PHACTR3: variants seen among roughly 807,000 people sequenced by gnomAD.
PHACTR3 encodes protein phosphatase 1, regulatory subunit 123.
A neutral mutation model predicts 66.8 loss-of-function variants in PHACTR3; 16 were observed. The ratio of observed to expected loss-of-function variants is 0.24; its 90% CI spans 0.16 to 0.36. PHACTR3 has a LOEUF of 0.36. Ranked by LOEUF, PHACTR3 falls within the 10% of genes least tolerant of loss-of-function variation. PHACTR3 has a pLI of 1.00. For synonymous variants in PHACTR3, 323 were observed against 292.1 expected (o/e 1.11, Z -1.08); for missense variants, 647 against 719.9 (o/e 0.90, Z 1.16).
rs534208673 is a variant in PHACTR3, at chr20:59,620,180, T to A, written c.118+15048T>A. Among the ~76,000 whole-genome samples the A allele has an allele frequency of 4.3e-4, 65 of 152,372 alleles. 1 individual carries two copies. Among genetic ancestry groups the A allele is most frequent in the South Asian group, 3.9e-3 (19 of 4,828 alleles). Reference sequence around the variant, plus strand: ...TTTCTAATTTCCTTTAGAGCATTTTTAAACTTTTCGCTTTGAAATATTTTA... The same window carrying A: ...TTTCTAATTTCCTTTAGAGCATTTTAAAACTTTTCGCTTTGAAATATTTTA... On this transcript the variant is annotated intron_variant, in intron 1 of 12. Transcript: ENST00000371015.
intron 1 of PHACTR3, among the ~76,000 whole-genome samples, chr20:59,605,493 C>G (rs1171710843): frequency 1.3e-5 from 2 of 152,214 alleles, no homozygotes; most frequent in Non-Finnish European, 2.9e-5. Context: ...CCATTCCCTC[C>G]CTCCCCACTG....
intron 1 of PHACTR3, among the ~76,000 whole-genome samples, chr20:59,645,710 C>T (rs762434226): frequency 7.2e-5 from 11 of 152,124 alleles, no homozygotes; most frequent in African/African-American, 1.7e-4. Context: ...ATATCCCTGT[C>T]GACACCACCA....
intron 1 of PHACTR3, among the ~76,000 whole-genome samples, chr20:59,659,232 G>A (rs1340483586): frequency 6.6e-6 from 1 of 152,056 alleles, no homozygotes; most frequent in East Asian, 1.9e-4. Context: ...CAAATCAAAT[G>A]TTCTTGCTTC....
At chr20:59,713,664 A>C (rs1422953497) in intron 1 of PHACTR3, among the ~76,000 whole-genome samples, 1 of 151,862 alleles carries the variant, frequency 6.6e-6, no homozygotes, top group Non-Finnish European at 1.5e-5. Flanking sequence ...TCTACTGTTA[A>C]TAACATTTGT....
chr20:59,830,784 C>A lies in PHACTR3; in HGVS notation c.1329-5721C>A, dbSNP rs1294158474. Among the ~76,000 whole-genome samples the A allele has an allele frequency of 3.3e-5, 5 of 152,162 alleles. No homozygotes were observed. The highest frequency in any genetic ancestry group is 1.2e-4 in the African/African-American group (5 of 41,424). On this transcript the variant is annotated intron_variant, in intron 8 of 12. Coordinates refer to ENST00000371015, the MANE Select transcript of PHACTR3 (RefSeq NM_080672.5). This position sits in a 1 kb window ranked among gnomAD's most constrained non-coding sequence, Gnocchi z 5.8. ...GTGTTCACCTGGGGAATCAGAGGCT[C>A]AAGTAAGGGAGGGCGTGACGCCATC...
intron 1 of PHACTR3, among the ~76,000 whole-genome samples, chr20:59,676,920 T>C (rs1404485717): frequency 6.6e-6 from 1 of 151,660 alleles, no homozygotes; most frequent in Non-Finnish European, 1.5e-5. Context: ...ATGACTGCAT[T>C]TGGAGTCTGG....
rs142353890 is a variant in PHACTR3 at position 59,641,193 on chromosome 20, G to A, written c.118+36061G>A. The stretch of plus-strand genomic sequence containing the variant: ...TCTGTTCATCTATCCATCCATTATC[G>A]TATCTATCATCTATCCATTCATCCA... On this transcript the variant is annotated intron_variant, in intron 1 of 12. Transcript: ENST00000371015. 7.0e-3 allele frequency among the ~76,000 whole-genome samples: 1,063 copies of A among 151,732 alleles called. 22 individuals carry two copies. The highest frequency in any genetic ancestry group is 0.024 in the African/African-American group (995 of 41,308).
At chr20:59,640,055 G>A (rs182228588) in intron 1 of PHACTR3, among the ~76,000 whole-genome samples, 5 of 152,320 alleles carry the variant, frequency 3.3e-5, no homozygotes, top group African/African-American at 1.2e-4. Context: ...AGGCTGTGAG[G>A]TGTGCAACAG....
chr20:59,767,215 G>C lies in PHACTR3; in HGVS notation c.571G>C (p.Glu191Gln). 2 of 1,614,228 alleles carry C rather than the reference G, an allele frequency of 1.2e-6. No individual in the cohort carries two copies. Among genetic ancestry groups the C allele is most frequent in the Non-Finnish European group, 1.7e-6 (2 of 1,180,042 alleles). ...AKMPSASSGE[E>Q]ADAGSLLPTT... ...GATGCCTTCTGCATCCAGTGGTGAA[G>C]AAGCAGACGCTGGCAGCCTCCTGCC... is the stretch of plus-strand genomic sequence containing the variant. The change falls in exon 5 of 13, where the codon GAA becomes CAA. Residue 191 changes from glutamate to glutamine, a missense_variant. Transcript: ENST00000371015.
chr20:59,598,719 G>C (rs2146322226), intron 1 of PHACTR3, among the ~76,000 whole-genome samples: 1 of 152,292 alleles, frequency 6.6e-6, no homozygotes, highest in Non-Finnish European at 1.5e-5. Context: ...GTCCCTCAGG[G>C]ATGTGGTCAA....
chr20:59,825,504 G>C (rs1258692808), intron 8 of PHACTR3, among the ~76,000 whole-genome samples: 1 of 152,184 alleles, frequency 6.6e-6, no homozygotes, highest in Non-Finnish European at 1.5e-5. Context: ...CTTGGTTCCA[G>C]GGCCCTGAGT....
intron 2 of PHACTR3, among the ~76,000 whole-genome samples, chr20:59,744,679 A>G (rs1272051573): frequency 1.3e-5 from 2 of 152,164 alleles, no homozygotes; most frequent in Non-Finnish European, 2.9e-5. Context: ...AATTATTATT[A>G]TTATTTTTAC....
chr20:59,774,045 A>G (rs2040445317), intron 6 of PHACTR3, among the ~76,000 whole-genome samples, 198 bp from the exon 7 acceptor site: 2 of 152,218 alleles, frequency 1.3e-5, no homozygotes, highest in South Asian at 4.1e-4. Context: ...TGTGCTTTTC[A>G]AAACAGCATG....
intron 1 of PHACTR3, among the ~76,000 whole-genome samples, chr20:59,618,689 T>C (rs2034122501): frequency 6.6e-6 from 1 of 152,226 alleles, no homozygotes; most frequent in African/African-American, 2.4e-5. Context: ...AGGATCCTCA[T>C]GCAGGAGCCC....
intron 1 of PHACTR3, among the ~76,000 whole-genome samples, chr20:59,726,068 A>G (rs547278737): frequency 2.1e-4 from 32 of 152,332 alleles, no homozygotes; most frequent in Non-Finnish European, 4.0e-4. Context: ...GATGTCAGCT[A>G]TAGCAGTGCC....
intron 7 of PHACTR3, among the ~76,000 whole-genome samples, chr20:59,801,022 C>G (rs1423477869): frequency 2.6e-5 from 4 of 152,196 alleles, no homozygotes; most frequent in Non-Finnish European, 5.9e-5. Context: ...ACTGCTATCT[C>G]ATCATTTCAG....
At position 59,737,008 on chromosome 20, in the gene PHACTR3, G is replaced by A. The variant is rs902520508; in HGVS notation, c.119-6099G>A. On this transcript the variant is annotated intron_variant, in intron 1 of 12. Transcript: ENST00000371015. ...TCCTGGTCAATGCATTGGATTTTTG[G>A]TTTAGGAGCAAAGGGTCTTTTGAGC... Among the ~76,000 whole-genome samples, 5 of 152,242 alleles carry A rather than the reference G, an allele frequency of 3.3e-5. No homozygotes were observed. The South Asian group carries it at 6.2e-4, about 19-fold the overall frequency.
intron 3 of PHACTR3, among the ~76,000 whole-genome samples, chr20:59,754,351 C>G (rs1397909195): frequency 2.6e-5 from 4 of 152,146 alleles, no homozygotes; most frequent in Non-Finnish European, 5.9e-5. Context: ...GGGAAGGCTG[C>G]CTGTCAGACC....
intron 1 of PHACTR3, among the ~76,000 whole-genome samples, chr20:59,715,560 C>T (rs760088795): frequency 6.6e-5 from 10 of 152,184 alleles, no homozygotes; most frequent in Non-Finnish European, 7.3e-5. Context: ...TCTATGGTCA[C>T]GAAAGATAGG....
Sources: gnomAD v4.1 joint callset for allele counts (sites outside exome capture counted in the v4.1 genomes callset) on GRCh38, gnomAD v4.1.1 for gene constraint, Gnocchi (gnomAD v3.1) non-coding constraint, MANE v1.5 for transcripts, NCBI Gene and HGNC (gene_info 2026-07-23, HGNC 2026-07-21) for gene names.